Variants in ALK observed in about 807,000 individuals in gnomAD.
ALK encodes ALK receptor tyrosine kinase.
ALK carries 74 observed loss-of-function variants against 163.1 expected under a neutral mutation model. That is an observed-to-expected ratio of 0.45 (90% CI 0.38 to 0.55). The LOEUF (loss-of-function observed/expected upper bound fraction) is 0.55. Among genes scored for constraint, ALK ranks in the 20% least tolerant of loss-of-function variants. ALK has a pLI of 0.00. For synonymous variants in ALK, 960 were observed against 843.2 expected (o/e 1.14, Z -2.40); for missense variants, 2,063 against 2,105.3 (o/e 0.98, Z 0.39).
At position 29,203,352 on chromosome 2, in the gene ALK, C is replaced by T. The variant is rs1038735834; in HGVS notation, c.3938+3819G>A. ...TTCTTGCATTGTCTTCTTATGTTTC[C>T]TGTGGTGCTGTTAAGCAATTTGATG... On this transcript the variant is annotated intron_variant, in intron 26 of 28. Coordinates refer to ENST00000389048, the MANE Select transcript of ALK (RefSeq NM_004304.5). Among the ~76,000 whole-genome samples, 5 of 151,928 alleles carry T rather than the reference C, an allele frequency of 3.3e-5. No homozygotes were observed. The East Asian group carries it at 5.8e-4, about 18-fold the overall frequency.
intron 9 of ALK, among the ~76,000 whole-genome samples, chr2:29,287,823 A>C (rs2148224179): frequency 6.6e-6 from 1 of 151,982 alleles, no homozygotes; most frequent in Non-Finnish European, 1.5e-5. Flanking sequence ...AAAGGGTGGA[A>C]GGGGCCTGGA....
intron 11 of ALK, among the ~76,000 whole-genome samples, chr2:29,258,601 CTGTT>C (rs1665008321): frequency 6.6e-6 from 1 of 152,190 alleles, no homozygotes; most frequent in Admixed American, 6.5e-5. Context: ...GGCCAATTAA[CTGTT>C]TGTACATTAT....
chr2:29,914,437 C>A (rs1317300473), intron 1 of ALK, among the ~76,000 whole-genome samples: 3 of 152,162 alleles, frequency 2.0e-5, no homozygotes, highest in South Asian at 2.1e-4. Flanking sequence ...GTATATGGAA[C>A]CCCTAGAGTT....
chr2:29,228,923 C>CGG lies in ALK; in HGVS notation c.2775_2776insCC (p.Gly926ProfsTer14). 6.6e-7 allele frequency: 1 copy of CGG among 1,506,656 alleles called. No individual in the cohort carries two copies. The highest frequency in any genetic ancestry group is 9.2e-7 in the Non-Finnish European group (1 of 1,085,184). 93.3% of individuals were successfully genotyped at this position (1,506,656 alleles called of 1,614,324 possible). On this transcript the variant is annotated frameshift_variant, in exon 16 of 29. Transcript: ENST00000389048. LOFTEE classifies it high-confidence loss of function. ...CCTCCTCCACCTGAGGAGCACCCCC[C>CGG]TCCACCCCCTCCGAAACCCCCTCTT...
intron 23 of ALK, among the ~76,000 whole-genome samples, chr2:29,217,132 GTGT>G (rs1558619613): frequency 1.2e-3 from 3 of 2,472 alleles, no homozygotes; most frequent in South Asian, 0.042. Context: ...CGTGTGTGGT[GTGT>G]GTGTGTGTGT....
At chr2:29,433,472 T>C (rs1035179236) in intron 4 of ALK, among the ~76,000 whole-genome samples, 1 of 152,204 alleles carries the variant, frequency 6.6e-6, no homozygotes, top group Non-Finnish European at 1.5e-5. Flanking sequence ...AGTGCTTACC[T>C]CGAGGCCTTG....
At chr2:29,684,513 G>C (rs1479106653) in intron 3 of ALK, among the ~76,000 whole-genome samples, 1 of 152,172 alleles carries the variant, frequency 6.6e-6, no homozygotes, top group Non-Finnish European at 1.5e-5. Flanking sequence ...GGGATGGCTG[G>C]TAAGTTTTAG....
chr2:29,475,239 AC>A (rs5830119), intron 4 of ALK, among the ~76,000 whole-genome samples: 76,983 of 151,870 alleles, frequency 0.51, 20,534 homozygotes, highest in South Asian at 0.62. Flanking sequence ...AACCAGAGCC[AC>A]CATCGCTGGA....
At chr2:29,666,073 G>C (rs1677504256) in intron 3 of ALK, among the ~76,000 whole-genome samples, 1 of 151,994 alleles carries the variant, frequency 6.6e-6, no homozygotes, top group South Asian at 2.1e-4. Flanking sequence ...TTAATTTCCT[G>C]AGTAAAATTT....
intron 2 of ALK, among the ~76,000 whole-genome samples, chr2:29,709,501 C>CA (rs1358570377): frequency 6.6e-6 from 1 of 152,080 alleles, no homozygotes; most frequent in Non-Finnish European, 1.5e-5. Context: ...ACTAGGTGTG[C>CA]AAAAGGAAAC....
At chr2:29,366,044 T>C (rs1668498172) in intron 5 of ALK, among the ~76,000 whole-genome samples, 1 of 152,200 alleles carries the variant, frequency 6.6e-6, no homozygotes, top group African/African-American at 2.4e-5. Flanking sequence ...GGAGGGCAGA[T>C]ACACTTGAAA....
At chr2:29,474,790 T>C (rs2148113468) in intron 4 of ALK, among the ~76,000 whole-genome samples, 1 of 150,964 alleles carries the variant, frequency 6.6e-6, no homozygotes, top group South Asian at 2.2e-4. Context: ...TTCAGGCTGA[T>C]TTTCTAGTGC....
At chr2:29,257,579 G>C (rs1246319916) in intron 11 of ALK, among the ~76,000 whole-genome samples, 1 of 152,188 alleles carries the variant, frequency 6.6e-6, no homozygotes, top group African/African-American at 2.4e-5. Flanking sequence ...ACAAAGGAAA[G>C]TTCTCGATCG....
intron 4 of ALK, among the ~76,000 whole-genome samples, chr2:29,410,619 C>T (rs1451354766): frequency 2.0e-5 from 3 of 152,168 alleles, no homozygotes; most frequent in Non-Finnish European, 4.4e-5. Flanking sequence ...ACATCTACAG[C>T]ATGTTACTGT....
At chr2:29,749,772 A>G (rs1198907283) in intron 1 of ALK, among the ~76,000 whole-genome samples, 2 of 152,240 alleles carry the variant, frequency 1.3e-5, no homozygotes, top group Non-Finnish European at 2.9e-5. Context: ...TCTATAATAT[A>G]TGGAAACTAG....
At chr2:29,623,543 C>T (rs928323596) in intron 3 of ALK, among the ~76,000 whole-genome samples, 3 of 152,092 alleles carry the variant, frequency 2.0e-5, no homozygotes, top group Non-Finnish European at 4.4e-5. Flanking sequence ...GTGGTAGGTA[C>T]TATTCACATC....
chr2:29,777,230 C>G (rs1046573096), intron 1 of ALK, among the ~76,000 whole-genome samples: 1 of 152,104 alleles, frequency 6.6e-6, no homozygotes, highest in Non-Finnish European at 1.5e-5. Context: ...TTTTAATAAC[C>G]TATTTTGCAA....
chr2:29,689,603 A>G (rs911253255), intron 3 of ALK, among the ~76,000 whole-genome samples: 2 of 152,194 alleles, frequency 1.3e-5, no homozygotes, highest in African/African-American at 2.4e-5. Context: ...TGGGATCCAC[A>G]TGCCAACCCA....
At chr2:29,668,852 A>G (rs1024083146) in intron 3 of ALK, among the ~76,000 whole-genome samples, 1 of 152,106 alleles carries the variant, frequency 6.6e-6, no homozygotes, top group Non-Finnish European at 1.5e-5. Context: ...GCAAAGGAAG[A>G]GCAAAGGCAC....
Sources: gnomAD v4.1 joint callset for allele counts (sites outside exome capture counted in the v4.1 genomes callset) on GRCh38, gnomAD v4.1.1 for gene constraint, MANE v1.5 for transcripts, NCBI Gene and HGNC (gene_info 2026-07-23, HGNC 2026-07-21) for gene names.